The following SNX19 variants were observed in gnomAD, a reference collection of about 807,000 sequenced individuals.
The protein encoded by SNX19 is sorting nexin 19, also known as sorting nexin-19.
In SNX19, 60 loss-of-function variants were observed where a neutral mutation model predicts 85.2. The ratio of observed to expected loss-of-function variants is 0.70; its 90% CI spans 0.57 to 0.87. The LOEUF (loss-of-function observed/expected upper bound fraction) is 0.87. Among genes scored for constraint, SNX19 ranks in the 40% least tolerant of loss-of-function variants. The pLI, the probability that SNX19 is intolerant of heterozygous loss-of-function variation, is 0.00. For synonymous variants in SNX19, 520 were observed against 470.0 expected (o/e 1.11, Z -1.38); for missense variants, 1,201 against 1,217.8 (o/e 0.99, Z 0.21).
At position 130,906,787 on chromosome 11, in the gene SNX19, G is replaced by T. The variant is rs1945710352; in HGVS notation, c.2166-66C>A. 2.2e-5 allele frequency: 25 copies of T among 1,113,068 alleles called. No homozygotes were observed. The South Asian group carries it at 3.0e-4, about 13-fold the overall frequency. The allele number at this position is 1,113,068 out of a possible 1,614,324, so 68.9% of individuals were successfully genotyped here. A position where few individuals can be genotyped will look rare whatever the true frequency, so the allele number is the denominator to read the frequency against. ...GGCCTTGAGCCTCACACTAAGGGCT[G>T]GCAAGTACTGATAATAAAACACAAC... On this transcript the variant is annotated intron_variant, in intron 5 of 10. Transcript: ENST00000265909.
chr11:130,915,350 G>T lies in SNX19; in HGVS notation c.590C>A (p.Ala197Asp), dbSNP rs1315532898. ...GGGGCTGTGCACAGCAGGATGTGGG[G>T]CAGTCGCCCGGCAGTAAGCCTCCCA... ...HLWEAYCRAT[A>D]PHPAVHSPSA... The change falls in exon 1 of 11, where the codon GCC becomes GAC. Residue 197 changes from alanine (A) to aspartate (D), a missense_variant. Coordinates refer to ENST00000265909, the MANE Select transcript of SNX19 (RefSeq NM_014758.3). 2 of 1,614,160 alleles carry T rather than the reference G, an allele frequency of 1.2e-6. No individual in the cohort carries two copies. The highest frequency in any genetic ancestry group is 1.7e-5 in the Admixed American group (1 of 60,030).
chr11:130,896,769 G>A (rs1488195339), intron 8 of SNX19, among the ~76,000 whole-genome samples: 1 of 152,140 alleles, frequency 6.6e-6, no homozygotes, highest in Non-Finnish European at 1.5e-5. Flanking sequence ...TGCTTTCCTG[G>A]TATTAATATT....
intron 7 of SNX19, among the ~76,000 whole-genome samples, chr11:130,904,629 C>T (rs929177091): frequency 2.4e-4 from 36 of 147,276 alleles, no homozygotes; most frequent in African/African-American, 8.0e-4. Flanking sequence ...CAATTAGTTA[C>T]AGCAGTGAAA....
At chr11:130,909,301 C>A (rs1179941978) in intron 4 of SNX19, among the ~76,000 whole-genome samples, 1 of 152,334 alleles carries the variant, frequency 6.6e-6, no homozygotes, top group Non-Finnish European at 1.5e-5. Context: ...TATCCCCTAA[C>A]ACCTACTACA....
rs1479022184 is a variant in SNX19 at position 130,875,162 on chromosome 11, G to C, written c.*3260C>G. On this transcript the variant is annotated 3_prime_UTR_variant, in exon 11 of 11. Transcript: ENST00000265909. Reference sequence around the variant, plus strand: ...AGAAAATGTGGCATAGCCATACAATGGAATGTTTTCAGCCTTAAAAAGAAA... The same window carrying C: ...AGAAAATGTGGCATAGCCATACAATCGAATGTTTTCAGCCTTAAAAAGAAA... 3.9e-5 allele frequency among the ~76,000 whole-genome samples: 6 copies of C among 152,160 alleles called. No individual in the cohort carries two copies. Among genetic ancestry groups the C allele is most frequent in the African/African-American group, 1.4e-4 (6 of 41,436 alleles).
At position 130,869,826 on chromosome 11, in the gene SNX19, T is replaced by C. The variant is rs895164071; in HGVS notation, c.*8596A>G. 6.6e-6 allele frequency: 1 copy of C among 152,056 alleles called. No homozygotes were observed. 9.4% of individuals were successfully genotyped at this position (152,056 alleles called of 1,614,324 possible). On this transcript the variant is annotated 3_prime_UTR_variant, in exon 11 of 11. Coordinates refer to ENST00000265909, the MANE Select transcript of SNX19 (RefSeq NM_014758.3). ...AGGTTCACATATAGCCTTAAGTTGA[T>C]GTCCATATTGATTTAACTATCAAAA... is the stretch of plus-strand genomic sequence containing the variant.
At chr11:130,896,937 A>ACT (rs35684770) in intron 8 of SNX19, among the ~76,000 whole-genome samples, 95,829 of 150,964 alleles carry the variant, frequency 0.63, 30,664 homozygotes, top group South Asian at 0.8. Context: ...GTAGAGTTCC[A>ACT]CAGAAAGCGC....
In SNX19 at chr11:130,916,448, G is replaced by C. The variant is rs2135437133; in HGVS notation, c.-509C>G. 1 of 152,668 alleles carries C rather than the reference G, an allele frequency of 6.6e-6. No homozygotes were observed. The highest frequency in any genetic ancestry group is 1.5e-5 in the Non-Finnish European group (1 of 68,258). 9.5% of individuals were successfully genotyped at this position (152,668 alleles called of 1,614,324 possible). ...CGCTCCGCAGCCGGGCCTGTGTGAA[G>C]GCTGACCGCCGGCCGGCCGCCGGCG... is the stretch of plus-strand genomic sequence containing the variant. On this transcript the variant is annotated 5_prime_UTR_variant, in exon 1 of 11. Transcript: ENST00000265909.
At chr11:130,903,197 A>C (rs1290044450) in intron 8 of SNX19, 58 bp downstream of exon 8, 2 of 1,606,750 alleles carry the variant, frequency 1.2e-6, no homozygotes, top group Non-Finnish European at 1.7e-6. Flanking sequence ...ATTCAGCATC[A>C]CATCCACCTT....
At chr11:130,903,222 A>G (rs373375181) in intron 8 of SNX19, 33 bp downstream of exon 8, 6 of 1,612,456 alleles carry the variant, frequency 3.7e-6, no homozygotes, top group Non-Finnish European at 5.1e-6. Context: ...GCAACTTGAG[A>G]TTCTGATGTG....
At position 130,907,960 on chromosome 11, in the gene SNX19, C is replaced by A. The variant is rs369718812; in HGVS notation, c.2158G>T (p.Ala720Ser). The A allele has an allele frequency of 4.3e-6, 7 of 1,613,722 alleles. No homozygotes were observed. Among genetic ancestry groups the A allele is most frequent in the Non-Finnish European group, 5.9e-6 (7 of 1,179,972 alleles). ...TAACTGAGGGCTTCTCACTTGCTAG[C>A]CTTCTTGCCTTCTGTCTGGGGCTTG... Reference protein sequence around the residue: ...ESKPQTEGKKASKSRLRFSSS... With the variant: ...ESKPQTEGKKSSKSRLRFSSS... Residue 720 changes from alanine to serine, a missense_variant, in exon 5 of 11, where the codon GCT (alanine) becomes TCT (serine). By Grantham distance (99) the Ala-to-Ser change is moderately conservative. This residue lies in a region of SNX19 where 125 missense variants were observed against 171.6 expected (regional missense o/e 0.73). Transcript: ENST00000265909.
At position 130,915,314 on chromosome 11, in the gene SNX19, A is replaced by C; in HGVS notation, c.626T>G (p.Val209Gly). The stretch of plus-strand genomic sequence containing the variant: ...ATTCACAACGCCACGCGTATAGGTG[A>C]CTTCAGCACTGGGGCTGTGCACAGC... ...HPAVHSPSAEVTYTRGVVNLL... is the reference protein window; with the variant it reads ...HPAVHSPSAEGTYTRGVVNLL... Residue 209 changes from valine to glycine, a missense_variant, in exon 1 of 11, where the codon GTC becomes GGC. Val to Gly is a moderately radical substitution (Grantham distance 109). Around this residue, in one of 3 missense-constraint regions of SNX19, gnomAD observed 791 missense variants for 750.9 expected, o/e 1.05. Coordinates refer to ENST00000265909, the MANE Select transcript of SNX19 (RefSeq NM_014758.3). 6.2e-7 allele frequency: 1 copy of C among 1,614,184 alleles called. No homozygotes were observed. Among genetic ancestry groups the C allele is most frequent in the South Asian group, 1.1e-5 (1 of 91,084 alleles).
At position 130,910,001 on chromosome 11, in the gene SNX19, A is replaced by G. The variant is rs749885227; in HGVS notation, c.2034+17T>C. On this transcript the variant is annotated intron_variant, in intron 4 of 10. Transcript: ENST00000265909. ...ATAGATCAAAACTAAAGCTGAGCAC[A>G]GTGGCCCTGCTGGTACCTTGTCTAT... The G allele has an allele frequency of 1.3e-5, 21 of 1,612,464 alleles. No individual in the cohort carries two copies. The South Asian group carries it at 2.0e-4, about 15-fold the overall frequency.
intron 8 of SNX19, among the ~76,000 whole-genome samples, chr11:130,900,106 G>A (rs1189570816): frequency 6.6e-6 from 1 of 152,134 alleles, no homozygotes; most frequent in Non-Finnish European, 1.5e-5. Flanking sequence ...GAAAGGTGAG[G>A]AACTTGCCTG....
In SNX19 at chr11:130,871,907, TAAAC is replaced by T. The variant is rs1359598709; in HGVS notation, c.*6511_*6514del. 2.0e-5 allele frequency among the ~76,000 whole-genome samples: 3 copies of T among 152,238 alleles called. No individual in the cohort carries two copies. Among genetic ancestry groups the T allele is most frequent in the African/African-American group, 7.2e-5 (3 of 41,452 alleles). On this transcript the variant is annotated 3_prime_UTR_variant, in exon 11 of 11. Transcript: ENST00000265909. ...AATATTAAAATTAGCTTACACTTCC[TAAAC>T]AAACACTGACTGGTGACAAAGGGAT...
At chr11:130,904,248 T>C (rs1376420277) in intron 7 of SNX19, among the ~76,000 whole-genome samples, 1 of 152,206 alleles carries the variant, frequency 6.6e-6, no homozygotes, top group Non-Finnish European at 1.5e-5. Flanking sequence ...TGTTACAGAA[T>C]GGATCTGAGA....
At chr11:130,882,851 C>T (rs930383377) in intron 8 of SNX19, among the ~76,000 whole-genome samples, 5 of 152,198 alleles carry the variant, frequency 3.3e-5, no homozygotes, top group African/African-American at 1.2e-4. Flanking sequence ...CTTAGGGTCT[C>T]ATCTAACTGT....
At chr11:130,888,047 C>T (rs1271266452) in intron 8 of SNX19, among the ~76,000 whole-genome samples, 1 of 151,440 alleles carries the variant, frequency 6.6e-6, no homozygotes, top group East Asian at 1.9e-4. Context: ...AAAGCACTGA[C>T]TCATATTGAG....
chr11:130,882,448 T>C (rs375546679), intron 8 of SNX19, among the ~76,000 whole-genome samples: 10 of 152,358 alleles, frequency 6.6e-5, no homozygotes, highest in Middle Eastern at 3.4e-3. Flanking sequence ...ATTCCAGCCA[T>C]GAGGGCTGCA....
Sources: allele counts gnomAD v4.1 joint callset (sites outside exome capture counted in the v4.1 genomes callset), GRCh38; gene constraint gnomAD v4.1.1; regional missense constraint gnomAD v4.1.1; transcripts MANE v1.5; gene names NCBI Gene and HGNC (gene_info 2026-07-23, HGNC 2026-07-21).